Variants in KLC1 observed in about 807,000 individuals in gnomAD.
KLC1 encodes the protein kinesin 2 60/70kDa.
Under a neutral mutation model 84.2 loss-of-function variants are expected in KLC1, and 30 were observed. The ratio of observed to expected loss-of-function variants is 0.36; its 90% CI spans 0.27 to 0.48. KLC1 has a LOEUF of 0.48. Among genes scored for constraint, KLC1 ranks in the 20% least tolerant of loss-of-function variants. The pLI, the probability that KLC1 is intolerant of heterozygous loss-of-function variation, is 0.99. For synonymous variants in KLC1, 289 were observed against 293.3 expected, an observed-to-expected ratio of 0.99 and a Z score of 0.15; for missense variants, 499 against 805.4, an observed-to-expected ratio of 0.62 and a Z score of 4.60.
intron 9 of KLC1, among the ~76,000 whole-genome samples, chr14:103,674,216 C>T (rs796499913): frequency 6.6e-6 from 1 of 152,204 alleles, no homozygotes; most frequent in Admixed American, 6.5e-5. Context: ...GATTTCAAAC[C>T]ATACCGTCCA....
intron 1 of KLC1, among the ~76,000 whole-genome samples, chr14:103,645,858 T>C (rs775090603): frequency 3.3e-5 from 5 of 151,780 alleles, no homozygotes; most frequent in Non-Finnish European, 7.4e-5. Flanking sequence ...TCTGGGTTCA[T>C]GCCATTCTTC....
intron 1 of KLC1, among the ~76,000 whole-genome samples, chr14:103,644,686 G>A (rs1186809239): frequency 2.6e-5 from 4 of 152,090 alleles, no homozygotes; most frequent in Non-Finnish European, 5.9e-5. Context: ...TTGAGCCCAG[G>A]ACTTTGAGAC....
chr14:103,673,523 G>T, intron 9 of KLC1, 92 bp downstream of exon 9: 1 of 785,118 alleles, frequency 1.3e-6, no homozygotes, highest in Non-Finnish European at 2.0e-6. Context: ...TGTTTATTAA[G>T]CACTTAACTT....
intron 1 of KLC1, among the ~76,000 whole-genome samples, chr14:103,631,739 A>G (rs1395477690): frequency 1.3e-5 from 2 of 152,072 alleles, no homozygotes; most frequent in African/African-American, 4.8e-5. Context: ...CTGGGATTAC[A>G]GGTGCCCACT....
Position 103,631,705 on chromosome 14 carries a change from C to T in KLC1, c.-2+2211C>T, listed in dbSNP as rs2076702086. Among the ~76,000 whole-genome samples, 3 of 152,238 alleles carry T rather than the reference C, an allele frequency of 2.0e-5. No individual in the cohort carries two copies. The South Asian group carries it at 6.2e-4, about 32-fold the overall frequency. On this transcript the variant is annotated intron_variant, in intron 1 of 16. Transcript: ENST00000334553. ...CTCCGCCTCCCAGGTTCCAGTGATTCTCCTGCCTCAGCCTCCCTAGTAGCT... is the reference window on the plus strand; with the variant it reads ...CTCCGCCTCCCAGGTTCCAGTGATTTTCCTGCCTCAGCCTCCCTAGTAGCT...
At chr14:103,678,646 T>A (rs577254570) in intron 12 of KLC1, among the ~76,000 whole-genome samples, 82 of 148,274 alleles carry the variant, frequency 5.5e-4, no homozygotes, top group Non-Finnish European at 1.0e-3. Flanking sequence ...GCTTAGATGG[T>A]ACCACTGCAC....
At chr14:103,669,677 T>G (rs1176802880) in intron 6 of KLC1, 79 bp downstream of exon 6, 1 of 1,005,466 alleles carries the variant, frequency 9.9e-7, no homozygotes, top group Non-Finnish European at 1.6e-6. Flanking sequence ...ATTTTACCAT[T>G]AAACTCAACA....
intron 14 of KLC1, among the ~76,000 whole-genome samples, chr14:103,691,549 A>G (rs1462470060): frequency 5.8e-5 from 8 of 138,292 alleles, no homozygotes; most frequent in Non-Finnish European, 1.2e-4. Flanking sequence ...GCTCACTGCA[A>G]CCTCTGTCTC....
intron 15 of KLC1, chr14:103,697,214 C>A: frequency 2.8e-6 from 2 of 717,858 alleles, no homozygotes; most frequent in Non-Finnish European, 3.4e-6. Context: ...ATAACTTTTT[C>A]CCATGTTCAT....
At chr14:103,684,919 TTA>T (rs754615732) in intron 13 of KLC1, 171 of 739,818 alleles carry the variant, frequency 2.3e-4, no homozygotes, top group Non-Finnish European at 3.0e-4. Flanking sequence ...CAGCAAAAAC[TTA>T]TGTTTTCTTG....
intron 13 of KLC1, chr14:103,684,709 AGCGTGTGTGCAC>A (rs1252374152): frequency 3.1e-4 from 110 of 359,958 alleles, no homozygotes; most frequent in South Asian, 2.6e-3. Flanking sequence ...AGCATGAGTG[AGCGTGTGTGCAC>A]GCGTGTGTGT....
Position 103,662,246 on chromosome 14 carries a change from C to T in KLC1, c.571+52C>T, listed in dbSNP as rs548111886. 9 of 1,384,918 alleles carry T rather than the reference C, an allele frequency of 6.5e-6. No individual in the cohort carries two copies. In the African/African-American group the frequency reaches 1.1e-4, roughly 17 times the overall value. 85.8% of individuals were successfully genotyped at this position (1,384,918 alleles called of 1,614,324 possible). ...TACCGAGTGCAGAAGAGAGGTGTTC[C>T]TCCTAGAACACGGTCATAGCAATCA... is the stretch of plus-strand genomic sequence containing the variant. On this transcript the variant is annotated intron_variant, in intron 4 of 16. Transcript: ENST00000334553.
chr14:103,696,093 C>CGGGGGG, intron 15 of KLC1: 8 of 129,282 alleles, frequency 6.2e-5, no homozygotes, highest in Non-Finnish European at 7.4e-5. Context: ...AATCACTGCG[C>CGGGGGG]CCCCGCCCCC....
At chr14:103,636,021 A>T (rs1437767774) in intron 1 of KLC1, among the ~76,000 whole-genome samples, 18 of 152,102 alleles carry the variant, frequency 1.2e-4, no homozygotes, top group Admixed American at 1.2e-3. Context: ...TTTTTCAAAG[A>T]TGTACCATTT....
At chr14:103,684,206 G>T (rs1425703955) in intron 13 of KLC1, among the ~76,000 whole-genome samples, 1 of 152,140 alleles carries the variant, frequency 6.6e-6, no homozygotes, top group African/African-American at 2.4e-5. Flanking sequence ...ACTAGAATAT[G>T]CCAAAAATAA....
At chr14:103,685,399 C>T (rs1769863153) in intron 13 of KLC1, 3 of 1,196,740 alleles carry the variant, frequency 2.5e-6, no homozygotes, top group South Asian at 1.6e-5. Flanking sequence ...TTGACATTTA[C>T]TTTGATGACC....
At position 103,685,449 on chromosome 14, in the gene KLC1, T is replaced by C. The variant is rs75843016; in HGVS notation, c.1651-1632T>C. ...AGTCTGGATTCTGTGAAATGCACCA[T>C]GAGGCCCAGCACCTGCTTTATGCTG... is the stretch of plus-strand genomic sequence containing the variant. On this transcript the variant is annotated intron_variant, in intron 13 of 16. Transcript: ENST00000334553. The C allele has an allele frequency of 3.4e-3, 4,107 of 1,210,432 alleles. 116 individuals carry two copies. In the African/African-American group the frequency reaches 0.058, roughly 17 times the overall value. 75.0% of individuals were successfully genotyped at this position (1,210,432 alleles called of 1,614,324 possible). A position where few individuals can be genotyped will look rare whatever the true frequency, so the allele number is the denominator to read the frequency against.
intron 15 of KLC1, chr14:103,696,288 G>T: frequency 1.0e-6 from 1 of 985,424 alleles, no homozygotes; most frequent in Non-Finnish European, 1.2e-6. Flanking sequence ...TGTGGCTCAG[G>T]GGTCCTCAGA....
intron 15 of KLC1, chr14:103,698,669 G>A (rs552955847): frequency 8.4e-6 from 7 of 830,336 alleles, no homozygotes; most frequent in African/African-American, 3.4e-5. Flanking sequence ...AAGTGGAGCC[G>A]CTGCCCTGGA....
Sources: allele counts gnomAD v4.1 joint callset (sites outside exome capture counted in the v4.1 genomes callset), GRCh38; gene constraint gnomAD v4.1.1; transcripts MANE v1.5; gene names NCBI Gene and HGNC (gene_info 2026-07-23, HGNC 2026-07-21).